RBP7: variants seen among roughly 807,000 people sequenced by gnomAD.
The protein encoded by RBP7 is retinol binding protein 7.
Under a neutral mutation model 16.7 loss-of-function variants are expected in RBP7, and 13 were observed. The ratio of observed to expected loss-of-function variants is 0.78; its 90% CI spans 0.51 to 1.24. The LOEUF is 1.24. RBP7 is among the 50% of genes most tolerant of loss of function. RBP7 has a pLI of 0.00. For missense variants in RBP7, 145 were observed against 159.5 expected, an observed-to-expected ratio of 0.91 and a Z score of 0.49; for synonymous variants, 54 against 56.2, an observed-to-expected ratio of 0.96 and a Z score of 0.17.
At position 10,004,478 on chromosome 1, in the gene RBP7, C is replaced by T. The variant is rs547426063; in HGVS notation, c.74-3092C>T. Among the ~76,000 whole-genome samples, 3 of 151,826 alleles carry T rather than the reference C, an allele frequency of 2.0e-5. No homozygotes were observed. In the East Asian group the frequency reaches 5.9e-4, roughly 30 times the overall value. On this transcript the variant is annotated intron_variant, in intron 1 of 3. Coordinates refer to ENST00000294435, the MANE Select transcript of RBP7 (RefSeq NM_052960.3). ...TCAACCTCTGCCTCCCAGGTTCAAG[C>T]GACTCTCCTGCCTCAGCCTCTGGAG...
intron 2 of RBP7, among the ~76,000 whole-genome samples, 154 bp downstream of exon 2, chr1:10,007,902 T>C (rs1642491259): frequency 6.6e-6 from 1 of 151,142 alleles, no homozygotes; most frequent in South Asian, 2.1e-4. Flanking sequence ...ATTCAAAAAG[T>C]AGGGGGGCGT....
chr1:9,998,780 A>G (rs1026490707), intron 1 of RBP7, among the ~76,000 whole-genome samples: 3 of 152,090 alleles, frequency 2.0e-5, no homozygotes, highest in Non-Finnish European at 2.9e-5. Context: ...TCATATCCCA[A>G]GAGATAAGAG....
intron 1 of RBP7, among the ~76,000 whole-genome samples, chr1:10,003,420 CTCTG>C (rs1642334926): frequency 6.6e-6 from 1 of 152,092 alleles, no homozygotes; most frequent in Non-Finnish European, 1.5e-5. Flanking sequence ...AAGAGCAAAA[CTCTG>C]TCTGAATAAA....
intron 3 of RBP7, among the ~76,000 whole-genome samples, chr1:10,014,158 A>C (rs1188625840): frequency 6.6e-6 from 1 of 152,086 alleles, no homozygotes; most frequent in Non-Finnish European, 1.5e-5. Flanking sequence ...GAGGGGCTGG[A>C]GATTGAACTA....
chr1:10,010,797 T>C (rs1183761240), intron 3 of RBP7, among the ~76,000 whole-genome samples: 1 of 136,764 alleles, frequency 7.3e-6, no homozygotes, highest in Non-Finnish European at 1.5e-5. Context: ...TTGGTCAGGC[T>C]GGGCTTGAAC....
intron 3 of RBP7, among the ~76,000 whole-genome samples, chr1:10,009,946 G>T (rs191620605): frequency 6.6e-6 from 1 of 151,936 alleles, no homozygotes; most frequent in Admixed American, 6.6e-5. Flanking sequence ...CTTTATTGAG[G>T]TATACTTTAT....
intron 1 of RBP7, among the ~76,000 whole-genome samples, chr1:10,005,626 C>T (rs183843755): frequency 2.6e-5 from 4 of 151,496 alleles, no homozygotes; most frequent in Admixed American, 6.6e-5. Context: ...TGCAGTCGCA[C>T]GATCTCGGCT....
intron 3 of RBP7, 28 bp from the exon 4 acceptor site, chr1:10,015,751 CCTT>C: frequency 1.2e-6 from 2 of 1,601,182 alleles, no homozygotes; most frequent in Non-Finnish European, 1.7e-6. Flanking sequence ...GCAAACTGAT[CCTT>C]CTTTTTCCCT....
chr1:9,997,367 C>G lies in RBP7; in HGVS notation c.73+36C>G. On this transcript the variant is annotated intron_variant, in intron 1 of 3. Coordinates refer to ENST00000294435, the MANE Select transcript of RBP7 (RefSeq NM_052960.3). The surrounding 1 kb of genome is among the most constrained non-coding windows in gnomAD (Gnocchi z 5.9). ...GGGGAGGCGGCGGCGGCGCGAGGCT[C>G]GCCGTGGGTCTCGGGATCAGGCGAA... 6.3e-7 allele frequency: 1 copy of G among 1,597,332 alleles called. No individual in the cohort carries two copies. Among genetic ancestry groups the G allele is most frequent in the Non-Finnish European group, 8.6e-7 (1 of 1,168,984 alleles).
intron 3 of RBP7, among the ~76,000 whole-genome samples, chr1:10,010,374 C>T (rs2101738135): frequency 6.6e-6 from 1 of 152,146 alleles, no homozygotes; most frequent in African/African-American, 2.4e-5. Flanking sequence ...CCTCTGCCTC[C>T]CAAAGTTCTG....
intron 1 of RBP7, among the ~76,000 whole-genome samples, chr1:10,003,297 G>T (rs948208568): frequency 6.6e-6 from 1 of 152,126 alleles, no homozygotes; most frequent in African/African-American, 2.4e-5. Flanking sequence ...GTGGTGGTGG[G>T]CACCTGTAGT....
chr1:9,997,774 C>A lies in RBP7; in HGVS notation c.73+443C>A, dbSNP rs1444181012. ...CCGAAGCCTCTGCCCGGCCACCCTC[C>A]CCGCAGCCGCCTTCCGTGCAGGCCC... On this transcript the variant is annotated intron_variant, in intron 1 of 3. Transcript: ENST00000294435. The surrounding 1 kb of genome is among the most constrained non-coding windows in gnomAD (Gnocchi z 5.9). Among the ~76,000 whole-genome samples, 1 of 152,020 alleles carries A rather than the reference C, an allele frequency of 6.6e-6. No homozygotes were observed. Among genetic ancestry groups the A allele is most frequent in the African/African-American group, 2.4e-5 (1 of 41,456 alleles).
rs369114070 is a variant in RBP7 at position 10,007,657 on chromosome 1, C to T, written c.161C>T (p.Thr54Met). 68 of 1,613,838 alleles carry T rather than the reference C, an allele frequency of 4.2e-5. No homozygotes were observed. The highest frequency in any genetic ancestry group is 2.5e-4 in the East Asian group (11 of 44,888). Residue 54 changes from threonine (T) to methionine (M), a missense_variant, in exon 2 of 4, where the codon ACG becomes ATG. By Grantham distance (81) the Thr-to-Met change is moderately conservative. Transcript: ENST00000294435. ...AATGGGGATTCTTTTACCATCCACA[C>T]GAACAGCAGCCTAAGGAACTACTTT... ...EQNGDSFTIH[T>M]NSSLRNYFVK...
intron 3 of RBP7, 132 bp from the exon 4 acceptor site, chr1:10,015,650 G>A (rs1354357761): frequency 1.4e-6 from 1 of 714,914 alleles, no homozygotes; most frequent in Non-Finnish European, 2.4e-6. Context: ...ACGACAGAGT[G>A]AGACCCCATC....
intron 1 of RBP7, among the ~76,000 whole-genome samples, chr1:10,006,440 G>T (rs749342452): frequency 6.6e-6 from 1 of 152,228 alleles, no homozygotes; most frequent in South Asian, 2.1e-4. Flanking sequence ...AGCCTGAAAG[G>T]TTGAGGCTAC....
rs767259529 is a variant in RBP7 at position 10,008,238 on chromosome 1, C to T, written c.318C>T (p.Gly106=). 3 of 1,612,728 alleles carry T rather than the reference C, an allele frequency of 1.9e-6. No homozygotes were observed. Among genetic ancestry groups the T allele is most frequent in the Non-Finnish European group, 2.5e-6 (3 of 1,179,140 alleles). The stretch of plus-strand genomic sequence containing the variant: ...AGAAGGGAGAAAAGAAGAACAGAGG[C>T]TGGACCCATTGGATCGAAGGAGACA... ...CIQKGEKKNR[G]WTHWIEGDKL... Residue 106 remains glycine (G), a synonymous_variant, in exon 3 of 4, where the codon GGC becomes GGT. Transcript: ENST00000294435.
At chr1:10,003,151 G>C (rs955807752) in intron 1 of RBP7, among the ~76,000 whole-genome samples, 2 of 152,280 alleles carry the variant, frequency 1.3e-5, no homozygotes, top group Admixed American at 1.3e-4. Flanking sequence ...CGTTAGCCGG[G>C]CATGGTGGCT....
intron 1 of RBP7, among the ~76,000 whole-genome samples, chr1:10,000,274 A>C (rs937447238): frequency 2.0e-5 from 3 of 151,260 alleles, no homozygotes; most frequent in Admixed American, 6.6e-5. Flanking sequence ...GCTCACGCCT[A>C]TAATCCCAGC....
At position 10,008,286 on chromosome 1, in the gene RBP7, A is replaced by G; in HGVS notation, c.354+12A>G. 2 of 1,551,620 alleles carry G rather than the reference A, an allele frequency of 1.3e-6. No individual in the cohort carries two copies. The highest frequency in any genetic ancestry group is 1.1e-5 in the South Asian group (1 of 89,744). On this transcript the variant is annotated intron_variant, in intron 3 of 3. Coordinates refer to ENST00000294435, the MANE Select transcript of RBP7 (RefSeq NM_052960.3). ...ACAAACTCCACCTGGTATCCACCACATTTTGTTCTTAATGAGATGATACAG... is the reference window on the plus strand; with the variant it reads ...ACAAACTCCACCTGGTATCCACCACGTTTTGTTCTTAATGAGATGATACAG...
Sources: allele counts gnomAD v4.1 joint callset (sites outside exome capture counted in the v4.1 genomes callset), GRCh38; gene constraint gnomAD v4.1.1; non-coding constraint Gnocchi (gnomAD v3.1); transcripts MANE v1.5; gene names NCBI Gene and HGNC (gene_info 2026-07-23, HGNC 2026-07-21).